Variants in HDAC8 observed in about 807,000 individuals in gnomAD.
HDAC8 encodes histone deacetylase-like 1.
Under a neutral mutation model 32.2 loss-of-function variants are expected in HDAC8, and 1 was observed. The ratio of observed to expected loss-of-function variants is 0.03; its 90% CI spans 0.01 to 0.15. HDAC8 has a LOEUF of 0.15. Among genes scored for constraint, HDAC8 ranks in the 10% least tolerant of loss-of-function variants. HDAC8 has a pLI of 1.00. For missense variants in HDAC8, 117 were observed against 300.0 expected (o/e 0.39, Z 4.51); for synonymous variants, 108 against 113.9 (o/e 0.95, Z 0.33).
At chrX:72,407,282 T>C (rs782147538) in intron 9 of HDAC8, among the ~76,000 whole-genome samples, 44 of 110,445 alleles carry the variant, frequency 4.0e-4, no homozygotes, top group Non-Finnish European at 7.2e-4. Context: ...CTGGGAGGAG[T>C]GTGCACCGGG....
At chrX:72,462,198 A>G in intron 8 of HDAC8, 100 bp from the exon 9 acceptor site, 1 of 651,173 alleles carries the variant, frequency 1.5e-6, no homozygotes, top group Admixed American at 2.9e-5. Flanking sequence ...TTAAGAAAAG[A>G]CAACCTCAAA....
intron 9 of HDAC8, among the ~76,000 whole-genome samples, chrX:72,355,343 G>A (rs1029639916): frequency 8.9e-6 from 1 of 112,185 alleles, no homozygotes; most frequent in Non-Finnish European, 1.9e-5. Context: ...GGATGAAAGA[G>A]GCCAGCTGAC....
chrX:72,338,484 G>A (rs1009390096), intron 10 of HDAC8, among the ~76,000 whole-genome samples: 1 of 109,119 alleles, frequency 9.2e-6, no homozygotes, highest in Non-Finnish European at 1.9e-5. Context: ...GGATGCTGGT[G>A]TGATCTCAGG....
At chrX:72,502,149 GA>G (rs1209436658) in intron 4 of HDAC8, among the ~76,000 whole-genome samples, 1 of 111,734 alleles carries the variant, frequency 8.9e-6, no homozygotes, top group Admixed American at 9.5e-5. Flanking sequence ...GCAGAGAAAA[GA>G]AAACACTTAT....
intron 10 of HDAC8, among the ~76,000 whole-genome samples, chrX:72,344,210 T>G (rs782684374): frequency 9.0e-6 from 1 of 111,728 alleles, no homozygotes; most frequent in Admixed American, 9.5e-5. Flanking sequence ...CAGCATGTAT[T>G]ACTTTTTTTT....
At chrX:72,446,459 C>G (rs1372009604) in intron 9 of HDAC8, among the ~76,000 whole-genome samples, 1 of 110,342 alleles carries the variant, frequency 9.1e-6, no homozygotes, top group Admixed American at 9.7e-5. Context: ...ACTGCATGTT[C>G]TCACTCATAG....
At chrX:72,404,024 G>T (rs1411912666) in intron 9 of HDAC8, among the ~76,000 whole-genome samples, 7 of 111,352 alleles carry the variant, frequency 6.3e-5, no homozygotes, top group South Asian at 3.8e-4. Context: ...ATTGTTTAAT[G>T]AATAAAATAA....
At chrX:72,360,636 A>G (rs1260454308) in intron 9 of HDAC8, among the ~76,000 whole-genome samples, 3 of 111,518 alleles carry the variant, frequency 2.7e-5, no homozygotes, top group African/African-American at 9.8e-5. Flanking sequence ...ACTCATCATG[A>G]CCAGAATAAC....
At chrX:72,496,383 C>G (rs1556013126) in intron 4 of HDAC8, among the ~76,000 whole-genome samples, 1 of 110,496 alleles carries the variant, frequency 9.1e-6, no homozygotes, top group Non-Finnish European at 1.9e-5. Flanking sequence ...TAGACACTGA[C>G]TTTGCTTCAT....
chrX:72,378,456 A>C (rs1336100813), intron 9 of HDAC8, among the ~76,000 whole-genome samples: 2 of 112,055 alleles, frequency 1.8e-5, no homozygotes, highest in Non-Finnish European at 3.8e-5. Flanking sequence ...CCAGAGGCCA[A>C]GTTAAAGCCA....
In HDAC8 at chrX:72,450,638, T is replaced by C. The variant is rs1302115519; in HGVS notation, c.1005+11366A>G. ...GATGAAATAAAAAAAATTCATTGGA[T>C]GGAATGAATAGTAGATTGTATACTA... On this transcript the variant is annotated intron_variant, in intron 9 of 10. Transcript: ENST00000373573. Among the ~76,000 whole-genome samples, 5 of 110,997 alleles carry C rather than the reference T, an allele frequency of 4.5e-5. No individual in the cohort carries two copies. In the East Asian group the frequency reaches 1.1e-3, roughly 25 times the overall value.
chrX:72,495,694 G>T (rs1474827000), intron 4 of HDAC8, among the ~76,000 whole-genome samples: 2 of 111,725 alleles, frequency 1.8e-5, no homozygotes, highest in Non-Finnish European at 3.8e-5. Context: ...GCCAGATGTA[G>T]AAGATGTTAG....
At chrX:72,401,359 C>A (rs1257403498) in intron 9 of HDAC8, among the ~76,000 whole-genome samples, 1 of 111,845 alleles carries the variant, frequency 8.9e-6, no homozygotes, top group Non-Finnish European at 1.9e-5. Context: ...CTCCACCCCT[C>A]AAGTAGCTGG....
intron 4 of HDAC8, among the ~76,000 whole-genome samples, chrX:72,563,742 A>C (rs1293418716): frequency 3.6e-5 from 4 of 111,627 alleles, no homozygotes; most frequent in African/African-American, 1.3e-4. Context: ...TATTTAAAAA[A>C]AAAATTAGGC....
At chrX:72,352,388 A>G (rs2044209068) in intron 9 of HDAC8, among the ~76,000 whole-genome samples, 1 of 111,695 alleles carries the variant, frequency 9.0e-6, no homozygotes, top group Non-Finnish European at 1.9e-5. Context: ...TTGCCTGCAC[A>G]TCACATGCAG....
chrX:72,416,429 T>TTTTTG (rs2046341962), intron 9 of HDAC8, among the ~76,000 whole-genome samples: 1 of 84,523 alleles, frequency 1.2e-5, no homozygotes, highest in African/African-American at 4.4e-5. Context: ...TTTTTTTTTT[T>TTTTTG]TTTTTTTTTT....
chrX:72,502,698 G>A (rs1163934429), intron 4 of HDAC8, among the ~76,000 whole-genome samples: 1 of 110,440 alleles, frequency 9.1e-6, no homozygotes, highest in Admixed American at 9.6e-5. Context: ...TGAGGCGGGC[G>A]GATCACAAGG....
At chrX:72,449,980 T>C (rs1463357561) in intron 9 of HDAC8, among the ~76,000 whole-genome samples, 4 of 112,317 alleles carry the variant, frequency 3.6e-5, no homozygotes, top group Non-Finnish European at 7.5e-5. Context: ...TATAAGTGTT[T>C]AATTTTAATA....
chrX:72,330,319 C>T (rs1302866644), intron 10 of HDAC8, among the ~76,000 whole-genome samples: 2 of 111,432 alleles, frequency 1.8e-5, no homozygotes, highest in Admixed American at 1.9e-4. Flanking sequence ...TGATCGAGGC[C>T]TTTGACAGCC....
Sources: gnomAD v4.1 joint callset for allele counts (sites outside exome capture counted in the v4.1 genomes callset) on GRCh38, gnomAD v4.1.1 for gene constraint, MANE v1.5 for transcripts, NCBI Gene and HGNC (gene_info 2026-07-23, HGNC 2026-07-21) for gene names.